CNTNAP2: variants seen among roughly 807,000 people sequenced by gnomAD.
The protein encoded by CNTNAP2 is contactin-associated protein-like 2.
In CNTNAP2, 98 loss-of-function variants were observed where a neutral mutation model predicts 155.2. The observed-to-expected ratio is 0.63, with a 90% CI of 0.54 to 0.75. The LOEUF is 0.75. CNTNAP2 is among the 30% of genes least tolerant of loss of function. CNTNAP2 has a pLI of 0.00. For missense variants in CNTNAP2, 1,727 were observed against 1,688.1 expected, an observed-to-expected ratio of 1.02 and a Z score of -0.40; for synonymous variants, 651 against 631.2, an observed-to-expected ratio of 1.03 and a Z score of -0.47.
intron 10 of CNTNAP2, among the ~76,000 whole-genome samples, chr7:147,398,948 A>G (rs1355043502): frequency 6.6e-6 from 1 of 151,980 alleles, no homozygotes; most frequent in African/African-American, 2.4e-5. Context: ...CTGGCATGTC[A>G]GTAGATCAAG....
At chr7:148,389,091 A>G (rs10262034) in intron 22 of CNTNAP2, among the ~76,000 whole-genome samples, 86,016 of 152,012 alleles carry the variant, frequency 0.57, 25,145 homozygotes, top group African/African-American at 0.66. Context: ...GAAATCACCC[A>G]TCTTCTGCGT....
intron 13 of CNTNAP2, among the ~76,000 whole-genome samples, chr7:147,887,618 TA>T (rs1285139824): frequency 1.3e-5 from 2 of 152,216 alleles, no homozygotes; most frequent in Non-Finnish European, 2.9e-5. Context: ...GAAGCTGACC[TA>T]AAGGCTTCTG....
At chr7:146,147,830 G>A (rs1562967685) in intron 1 of CNTNAP2, among the ~76,000 whole-genome samples, 2 of 152,090 alleles carry the variant, frequency 1.3e-5, no homozygotes, top group South Asian at 2.1e-4. Context: ...GGATTTTAAT[G>A]TTAAATATTG....
chr7:146,449,103 T>C (rs1216057881), intron 1 of CNTNAP2, among the ~76,000 whole-genome samples: 2 of 152,162 alleles, frequency 1.3e-5, no homozygotes, highest in African/African-American at 4.8e-5. Context: ...CCCTATACAT[T>C]CTACTGTTGA....
At chr7:147,406,404 T>C (rs1300690875) in intron 10 of CNTNAP2, among the ~76,000 whole-genome samples, 1 of 152,226 alleles carries the variant, frequency 6.6e-6, no homozygotes, top group Non-Finnish European at 1.5e-5. Context: ...AGAGGAGTCA[T>C]AGATTTTTCT....
chr7:148,264,602 G>A (rs1279953790), intron 20 of CNTNAP2, among the ~76,000 whole-genome samples: 1 of 151,930 alleles, frequency 6.6e-6, no homozygotes, highest in Non-Finnish European at 1.5e-5. Context: ...TTTTTTTCCG[G>A]CAAATCTGTG....
intron 15 of CNTNAP2, among the ~76,000 whole-genome samples, chr7:148,060,135 G>A (rs1171971139): frequency 1.3e-5 from 2 of 152,104 alleles, no homozygotes; most frequent in African/African-American, 4.8e-5. Context: ...TGATCCACTA[G>A]CTTTGCTGTT....
chr7:146,796,618 G>C (rs1361855727), intron 2 of CNTNAP2, among the ~76,000 whole-genome samples: 1 of 152,034 alleles, frequency 6.6e-6, no homozygotes, highest in African/African-American at 2.4e-5. Context: ...ACGGTATAGG[G>C]ACTTAGAGGG....
intron 1 of CNTNAP2, among the ~76,000 whole-genome samples, chr7:146,719,453 C>T (rs1328326948): frequency 3.3e-5 from 5 of 152,098 alleles, no homozygotes; most frequent in East Asian, 3.9e-4. Context: ...ATTAGTGAAT[C>T]GAAATCATGT....
At chr7:146,249,494 G>C (rs1011332880) in intron 1 of CNTNAP2, among the ~76,000 whole-genome samples, 2 of 152,132 alleles carry the variant, frequency 1.3e-5, no homozygotes, top group Non-Finnish European at 2.9e-5. Context: ...GAACTTATCT[G>C]ACTCACTCAC....
rs1045516259 is a variant in CNTNAP2, at chr7:148,331,960, G to A, written c.3476-51689G>A. On this transcript the variant is annotated intron_variant, in intron 21 of 23. Transcript: ENST00000361727. ...CCTCACGAGCACCTTTCACCATTTT[G>A]ATCACATTTCCAGATGCAGCACCAC... 5.1e-4 allele frequency among the ~76,000 whole-genome samples: 78 copies of A among 152,258 alleles called. 2 individuals are homozygous for A. Among genetic ancestry groups the A allele is most frequent in the African/African-American group, 1.9e-3 (77 of 41,552 alleles).
intron 1 of CNTNAP2, among the ~76,000 whole-genome samples, chr7:146,617,094 G>A (rs554049065): frequency 3.3e-5 from 5 of 152,016 alleles, no homozygotes; most frequent in African/African-American, 7.2e-5. Context: ...ATCTCCGCTC[G>A]CTGCAAGTTC....
chr7:147,714,935 A>T (rs1274993451), intron 13 of CNTNAP2, among the ~76,000 whole-genome samples: 2 of 152,126 alleles, frequency 1.3e-5, no homozygotes, highest in African/African-American at 4.8e-5. Flanking sequence ...TAAAAGTATG[A>T]AGTATGTATT....
chr7:146,143,407 CA>C (rs1289902584), intron 1 of CNTNAP2, among the ~76,000 whole-genome samples: 1 of 152,032 alleles, frequency 6.6e-6, no homozygotes, highest in Middle Eastern at 3.2e-3. Flanking sequence ...TGAATAAGGA[CA>C]AAAACCTCAT....
intron 1 of CNTNAP2, among the ~76,000 whole-genome samples, chr7:146,575,183 C>A (rs1280078268): frequency 6.6e-6 from 1 of 152,104 alleles, no homozygotes; most frequent in East Asian, 1.9e-4. Flanking sequence ...GTGGTGTGAT[C>A]TCAGCTCACT....
At chr7:148,348,227 G>C (rs1798361140) in intron 21 of CNTNAP2, among the ~76,000 whole-genome samples, 1 of 152,126 alleles carries the variant, frequency 6.6e-6, no homozygotes, top group South Asian at 2.1e-4. Context: ...GGGTGTGATG[G>C]GTTCCAGACA....
intron 1 of CNTNAP2, among the ~76,000 whole-genome samples, chr7:146,642,574 T>C (rs1433136381): frequency 1.3e-5 from 2 of 151,502 alleles, no homozygotes; most frequent in South Asian, 4.2e-4. Context: ...GACATTTGGG[T>C]TGGTTCCAAG....
chr7:146,553,513 C>T (rs1278480572), intron 1 of CNTNAP2, among the ~76,000 whole-genome samples: 1 of 151,964 alleles, frequency 6.6e-6, no homozygotes, highest in East Asian at 1.9e-4. Flanking sequence ...TAATTATTCA[C>T]ATTTAAAATT....
intron 15 of CNTNAP2, among the ~76,000 whole-genome samples, chr7:148,012,488 C>G (rs577410972): frequency 3.3e-5 from 5 of 152,264 alleles, no homozygotes; most frequent in African/African-American, 9.6e-5. Flanking sequence ...TGCTGATCCA[C>G]CTTGTGCCTG....
Sources: gnomAD v4.1 joint callset for allele counts (sites outside exome capture counted in the v4.1 genomes callset) on GRCh38, gnomAD v4.1.1 for gene constraint, MANE v1.5 for transcripts, NCBI Gene and HGNC (gene_info 2026-07-23, HGNC 2026-07-21) for gene names.